Variants in PDGFC observed in about 807,000 individuals in gnomAD.
PDGFC encodes the protein platelet derived growth factor C, also known as platelet-derived growth factor C.
A neutral mutation model predicts 35.5 loss-of-function variants in PDGFC; 12 were observed. The observed-to-expected ratio is 0.34, with a 90% CI of 0.22 to 0.55. PDGFC has a LOEUF of 0.55. PDGFC is among the 20% of genes least tolerant of loss of function. The pLI is 0.91. For missense variants in PDGFC, 322 were observed against 412.4 expected, an observed-to-expected ratio of 0.78 and a Z score of 1.90; for synonymous variants, 159 against 148.8, an observed-to-expected ratio of 1.07 and a Z score of -0.50.
chr4:156,932,091 T>C (rs1731562966), intron 1 of PDGFC, among the ~76,000 whole-genome samples: 2 of 152,144 alleles, frequency 1.3e-5, no homozygotes. Flanking sequence ...ATTTAATCTA[T>C]TATTAAGAAC....
chr4:156,878,611 T>C lies in PDGFC; in HGVS notation c.119-28195A>G, dbSNP rs185339234. On this transcript the variant is annotated intron_variant, in intron 1 of 5. Coordinates refer to ENST00000502773, the MANE Select transcript of PDGFC (RefSeq NM_016205.3). The stretch of plus-strand genomic sequence containing the variant: ...TTGTAATATTTGCATTATATATACT[T>C]ACCGGTTGAGCATTCCTAATCAGAA... Among the ~76,000 whole-genome samples the C allele has an allele frequency of 9.2e-5, 14 of 152,300 alleles. No individual in the cohort carries two copies. In the East Asian group the frequency reaches 2.1e-3, roughly 23 times the overall value.
At chr4:156,878,314 T>A (rs984035676) in intron 1 of PDGFC, among the ~76,000 whole-genome samples, 1 of 152,142 alleles carries the variant, frequency 6.6e-6, no homozygotes, top group Non-Finnish European at 1.5e-5. Flanking sequence ...CCAGATCCAA[T>A]CATTCCGTGC....
chr4:156,842,068 A>C (rs577546490), intron 2 of PDGFC: 1 of 152,242 alleles, frequency 6.6e-6, no homozygotes, highest in African/African-American at 2.4e-5. Context: ...ACGAAGAAAA[A>C]AGAGAAAGGC....
At chr4:156,868,469 A>C (rs1169891744) in intron 1 of PDGFC, among the ~76,000 whole-genome samples, 1 of 152,206 alleles carries the variant, frequency 6.6e-6, no homozygotes, top group African/African-American at 2.4e-5. Context: ...GGCTCAGTAC[A>C]TCTGGTAGAA....
rs768954314 is a variant in PDGFC at position 156,767,766 on chromosome 4, T to A, written c.921+7A>T. On this transcript the variant is annotated splice_region_variant and intron_variant, in intron 5 of 5. Transcript: ENST00000502773. ...GAAGGAAACCAAAAAGAAAATTGTATACCTACCTCGTGGTATTTTTTAGTA... is the reference window on the plus strand; with the variant it reads ...GAAGGAAACCAAAAAGAAAATTGTAAACCTACCTCGTGGTATTTTTTAGTA... 1 of 1,577,722 alleles carries A rather than the reference T, an allele frequency of 6.3e-7. No individual in the cohort carries two copies. Among genetic ancestry groups the A allele is most frequent in the Non-Finnish European group, 8.7e-7 (1 of 1,147,040 alleles).
In PDGFC at chr4:156,863,260, A is replaced by G. The variant is rs1039889356; in HGVS notation, c.119-12844T>C. Among the ~76,000 whole-genome samples, 7 of 152,194 alleles carry G rather than the reference A, an allele frequency of 4.6e-5. No individual in the cohort carries two copies. The East Asian group carries it at 1.3e-3, about 29-fold the overall frequency. On this transcript the variant is annotated intron_variant, in intron 1 of 5. Transcript: ENST00000502773. ...CTGTGAATATCCCCAGAAAAACTGG[A>G]CACTATAATTTTCCTAATGACAACA...
At chr4:156,916,437 TTG>T (rs779076379) in intron 1 of PDGFC, among the ~76,000 whole-genome samples, 4 of 152,210 alleles carry the variant, frequency 2.6e-5, no homozygotes, top group Non-Finnish European at 5.9e-5. Flanking sequence ...TAAGGTACTA[TTG>T]CTTTCCACAA....
chr4:156,901,689 C>T (rs1730790002), intron 1 of PDGFC, among the ~76,000 whole-genome samples: 2 of 152,092 alleles, frequency 1.3e-5, no homozygotes, highest in Non-Finnish European at 2.9e-5. Flanking sequence ...GTGGCACGAT[C>T]TCAGCTCACT....
chr4:156,798,035 C>CA (rs1049478111), intron 3 of PDGFC, among the ~76,000 whole-genome samples: 5 of 151,804 alleles, frequency 3.3e-5, no homozygotes, highest in Non-Finnish European at 7.4e-5. Context: ...ACCAAAAATA[C>CA]AAAAAAATTA....
intron 3 of PDGFC, among the ~76,000 whole-genome samples, chr4:156,774,878 T>C (rs977433510): frequency 2.0e-5 from 3 of 152,090 alleles, no homozygotes; most frequent in Non-Finnish European, 2.9e-5. Flanking sequence ...GACATGATGT[T>C]ACAGAATAAA....
At chr4:156,844,414 T>C (rs561270634) in intron 2 of PDGFC, among the ~76,000 whole-genome samples, 1 of 151,992 alleles carries the variant, frequency 6.6e-6, no homozygotes, top group Non-Finnish European at 1.5e-5. Flanking sequence ...CAACAGAAAA[T>C]GAGTACAAAA....
At chr4:156,813,931 A>G (rs1020249587) in intron 2 of PDGFC, among the ~76,000 whole-genome samples, 3 of 152,062 alleles carry the variant, frequency 2.0e-5, no homozygotes, top group Admixed American at 2.0e-4. Context: ...AGCAAAGGAG[A>G]TATCTTTGCT....
chr4:156,903,167 G>A (rs1038112632), intron 1 of PDGFC, among the ~76,000 whole-genome samples: 3 of 150,832 alleles, frequency 2.0e-5, no homozygotes, highest in Non-Finnish European at 4.4e-5. Context: ...CAGTGAAAAG[G>A]GCAGTTATTT....
intron 1 of PDGFC, among the ~76,000 whole-genome samples, chr4:156,921,355 C>A (rs200670672): frequency 1.3e-5 from 2 of 152,146 alleles, no homozygotes; most frequent in East Asian, 1.9e-4. Context: ...TACCCACACC[C>A]CAGCCTCAAA....
chr4:156,888,174 A>T (rs560366878), intron 1 of PDGFC, among the ~76,000 whole-genome samples: 1 of 152,266 alleles, frequency 6.6e-6, no homozygotes, highest in Non-Finnish European at 1.5e-5. Context: ...TTACAACTGG[A>T]GAGTTAAGTA....
chr4:156,824,268 G>A (rs867451471), intron 2 of PDGFC, among the ~76,000 whole-genome samples: 8 of 129,882 alleles, frequency 6.2e-5, no homozygotes, highest in African/African-American at 1.4e-4. Context: ...AATTTAACCC[G>A]TCTAGAACAA....
chr4:156,839,268 C>T (rs1351336513), intron 2 of PDGFC, among the ~76,000 whole-genome samples: 2 of 152,196 alleles, frequency 1.3e-5, no homozygotes, highest in African/African-American at 4.8e-5. Flanking sequence ...TCTCCCAACA[C>T]TCAGCTTTTC....
chr4:156,872,991 G>A (rs1203766554), intron 1 of PDGFC, among the ~76,000 whole-genome samples: 6 of 152,082 alleles, frequency 3.9e-5, no homozygotes, highest in African/African-American at 1.4e-4. Flanking sequence ...ATATCTAGGT[G>A]TAGTGTTGTA....
chr4:156,929,503 C>T (rs1307649247), intron 1 of PDGFC, among the ~76,000 whole-genome samples: 3 of 151,504 alleles, frequency 2.0e-5, no homozygotes, highest in South Asian at 2.1e-4. Context: ...AACTACTCTC[C>T]GTTTAAAAAA....
Sources: gnomAD v4.1 joint callset for allele counts (sites outside exome capture counted in the v4.1 genomes callset) on GRCh38, gnomAD v4.1.1 for gene constraint, MANE v1.5 for transcripts, NCBI Gene and HGNC (gene_info 2026-07-23, HGNC 2026-07-21) for gene names.